Variants in SFRP4 observed in about 807,000 individuals in gnomAD.
SFRP4 encodes the protein secreted frizzled-related protein 4.
A neutral mutation model predicts 36.3 loss-of-function variants in SFRP4; 25 were observed. The ratio of observed to expected loss-of-function variants is 0.69; its 90% confidence interval spans 0.50 to 0.96. The LOEUF is 0.96. SFRP4 is among the 40% of genes least tolerant of loss of function. The probability of loss-of-function intolerance (pLI) is 0.00; values close to 1 mark genes in which losing one functional copy is unlikely to be tolerated. For missense variants in SFRP4, 487 were observed against 459.6 expected (o/e 1.06, Z -0.54); for synonymous variants, 182 against 168.8 (o/e 1.08, Z -0.60).
rs756170366 is a variant in SFRP4, at chr7:37,909,695, T to A, written c.792-15A>T. ...GAAGCATCATCCTGAAAAAAAATTATCTTAGTAAACAGATTTTTATTACAA... is the reference window on the plus strand; with the variant it reads ...GAAGCATCATCCTGAAAAAAAATTAACTTAGTAAACAGATTTTTATTACAA... On this transcript the variant is annotated splice_polypyrimidine_tract_variant and intron_variant, in intron 4 of 5. Coordinates refer to ENST00000436072, the MANE Select transcript of SFRP4 (RefSeq NM_003014.4). 5 of 1,501,858 alleles carry A rather than the reference T, an allele frequency of 3.3e-6. No individual in the cohort carries two copies. The Admixed American group carries it at 9.1e-5, about 27-fold the overall frequency. 93.0% of individuals were successfully genotyped at this position (1,501,858 alleles called of 1,614,324 possible).
rs1262298980 is a variant in SFRP4, at chr7:37,912,418, C to T, written c.593-101G>A. The T allele has an allele frequency of 9.8e-6, 9 of 920,012 alleles. No homozygotes were observed. The Admixed American group carries it at 2.0e-4, about 20-fold the overall frequency. The allele number at this position is 920,012 out of a possible 1,614,324, so 57.0% of individuals were successfully genotyped here. A position where few individuals can be genotyped will look rare whatever the true frequency, so the allele number is the denominator to read the frequency against. Reference sequence around the variant, plus strand: ...TCTGAGCCTCTCTTAAAGAATCACTCCTGTAATTATGGTTATGTCCAAGTG... The same window carrying T: ...TCTGAGCCTCTCTTAAAGAATCACTTCTGTAATTATGGTTATGTCCAAGTG... On this transcript the variant is annotated intron_variant, in intron 3 of 5. Coordinates refer to ENST00000436072, the MANE Select transcript of SFRP4 (RefSeq NM_003014.4).
In SFRP4 at chr7:37,916,447, T is replaced by G; in HGVS notation, c.91A>C (p.Met31Leu). ...ATGTTCCAGGGCATGTGCCGGCACA[T>G]AGGGATGCGCACCGCCTCGCAGGGC... ...GAPCEAVRIP[M>L]CRHMPWNITR... Residue 31 changes from methionine to leucine, a missense_variant, in exon 1 of 6, where the codon ATG becomes CTG. By Grantham distance (15) the Met-to-Leu change is conservative. Transcript: ENST00000436072. The surrounding 1 kb of genome is among the most constrained non-coding windows in gnomAD (Gnocchi z 4.1). 6.2e-7 allele frequency: 1 copy of G among 1,613,744 alleles called. No individual in the cohort carries two copies. Among genetic ancestry groups the G allele is most frequent in the Non-Finnish European group, 8.5e-7 (1 of 1,179,812 alleles).
At position 37,907,491 on chromosome 7, in the gene SFRP4, C is replaced by T. The variant is rs1785414404; in HGVS notation, c.1029G>A (p.Pro343=). ...KTRSAQKRTN[P]KRV is the part of the protein sequence containing the mutation. ...GAAACTAGTTAGCTCACACTCTTTTCGGGTTTGTTCTCTTCTGGGCACTCC... is the reference window on the plus strand; with the variant it reads ...GAAACTAGTTAGCTCACACTCTTTTTGGGTTTGTTCTCTTCTGGGCACTCC... The change falls in exon 6 of 6, where the codon CCG becomes CCA. Residue 343 remains proline, a synonymous_variant. Coordinates refer to ENST00000436072, the MANE Select transcript of SFRP4 (RefSeq NM_003014.4). The T allele has an allele frequency of 3.1e-6, 5 of 1,612,708 alleles. No homozygotes were observed. The highest frequency in any genetic ancestry group is 1.7e-4 in the Middle Eastern group (1 of 6,026).
Position 37,907,300 on chromosome 7 carries a change from G to A in SFRP4, c.*179C>T. The A allele has an allele frequency of 1.3e-5, 7 of 540,274 alleles. No individual in the cohort carries two copies. In the South Asian group the frequency reaches 1.6e-4, roughly 12 times the overall value. The allele number at this position is 540,274 out of a possible 1,614,324, so 33.5% of individuals were successfully genotyped here. Reference sequence around the variant, plus strand: ...CAAACCTACCACTATGGCTTGTGATGGCTTACAAAGAAAAACTGAAGCATA... The same window carrying A: ...CAAACCTACCACTATGGCTTGTGATAGCTTACAAAGAAAAACTGAAGCATA... On this transcript the variant is annotated 3_prime_UTR_variant, in exon 6 of 6. Coordinates refer to ENST00000436072, the MANE Select transcript of SFRP4 (RefSeq NM_003014.4).
intron 5 of SFRP4, 47 bp from the exon 6 acceptor site, chr7:37,907,711 T>C (rs1364071133): frequency 5.6e-6 from 8 of 1,424,358 alleles, no homozygotes; most frequent in Non-Finnish European, 7.7e-6. Context: ...CTCACCCCTT[T>C]ATGGTGCTCA....
chr7:37,915,455 G>T (rs1484753398), intron 1 of SFRP4, among the ~76,000 whole-genome samples: 1 of 152,220 alleles, frequency 6.6e-6, no homozygotes, highest in Non-Finnish European at 1.5e-5. Context: ...ATTTCAAGAA[G>T]TGAATTTAAA....
In SFRP4 at chr7:37,907,306, C is replaced by A; in HGVS notation, c.*173G>T. ...TACCACTATGGCTTGTGATGGCTTACAAAGAAAAACTGAAGCATAGCCTTA... is the reference window on the plus strand; with the variant it reads ...TACCACTATGGCTTGTGATGGCTTAAAAAGAAAAACTGAAGCATAGCCTTA... On this transcript the variant is annotated 3_prime_UTR_variant, in exon 6 of 6. Transcript: ENST00000436072. 1.8e-6 allele frequency: 1 copy of A among 552,112 alleles called. No individual in the cohort carries two copies. The highest frequency in any genetic ancestry group is 3.1e-6 in the Non-Finnish European group (1 of 318,692). 34.2% of individuals were successfully genotyped at this position (552,112 alleles called of 1,614,324 possible).
Position 37,916,014 on chromosome 7 carries a change from G to A in SFRP4, c.445+79C>T. The A allele has an allele frequency of 6.5e-7, 1 of 1,536,194 alleles. No individual in the cohort carries two copies. The highest frequency in any genetic ancestry group is 8.8e-7 in the Non-Finnish European group (1 of 1,140,542). ...CCTCAGACGCCCCTGGCAGCCTTAG[G>A]TGTGGCCGCCCAGTTCTCGATTGGC... On this transcript the variant is annotated intron_variant, in intron 1 of 5. Transcript: ENST00000436072. This position sits in a 1 kb window ranked among gnomAD's most constrained non-coding sequence, Gnocchi z 4.1.
rs1360106433 is a variant in SFRP4, at chr7:37,916,424, G to A, written c.114C>T (p.Asn38=). 1.2e-6 allele frequency: 2 copies of A among 1,614,106 alleles called. No homozygotes were observed. Among genetic ancestry groups the A allele is most frequent in the Admixed American group, 1.7e-5 (1 of 60,028 alleles). ...RIPMCRHMPW[N]ITRMPNHLHH... is the part of the protein sequence containing the mutation. ...GCAGGTGGTTGGGCATCCGCGTGAT[G>A]TTCCAGGGCATGTGCCGGCACATAG... The change falls in exon 1 of 6, where the codon AAC becomes AAT. Residue 38 remains asparagine (N), a synonymous_variant. Transcript: ENST00000436072. This position sits in a 1 kb window ranked among gnomAD's most constrained non-coding sequence, Gnocchi z 4.1.
intron 4 of SFRP4, among the ~76,000 whole-genome samples, chr7:37,910,044 A>G (rs1305383775): frequency 6.6e-6 from 1 of 152,018 alleles, no homozygotes; most frequent in Non-Finnish European, 1.5e-5. Flanking sequence ...TTGCTTAGCT[A>G]TGATTACCAG....
At chr7:37,909,864 C>A in intron 4 of SFRP4, 184 bp from the exon 5 acceptor site, 1 of 413,142 alleles carries the variant, frequency 2.4e-6, no homozygotes. Context: ...TATTAGATCA[C>A]ATTGTGTATT....
chr7:37,909,185 A>C (rs1368430596), intron 5 of SFRP4, among the ~76,000 whole-genome samples: 1 of 152,176 alleles, frequency 6.6e-6, no homozygotes, highest in Non-Finnish European at 1.5e-5. Flanking sequence ...CAAAAGTCTT[A>C]AATTATTATA....
chr7:37,909,996 A>G (rs912552134), intron 4 of SFRP4, among the ~76,000 whole-genome samples: 3 of 151,974 alleles, frequency 2.0e-5, no homozygotes, highest in African/African-American at 4.8e-5. Context: ...GGATATCCAT[A>G]ATATATCTAT....
rs1280980105 is a variant in SFRP4 at position 37,907,566 on chromosome 7, T to A, written c.954A>T (p.Gly318=). The change falls in exon 6 of 6, where the codon GGA becomes GGT. Residue 318 remains glycine (G), a synonymous_variant. Coordinates refer to ENST00000436072, the MANE Select transcript of SFRP4 (RefSeq NM_003014.4). ...TSRSNPPKPK[G]KPPAPKPASP... is the part of the protein sequence containing the mutation. ...TGGCTGGTTTGGGAGCAGGAGGCTT[T>A]CCCTTTGGTTTGGGGGGATTACTAC... 6.2e-7 allele frequency: 1 copy of A among 1,613,716 alleles called. No individual in the cohort carries two copies. The highest frequency in any genetic ancestry group is 1.1e-5 in the South Asian group (1 of 91,066).
intron 1 of SFRP4, among the ~76,000 whole-genome samples, chr7:37,915,872 CTT>C (rs11312178): frequency 6.7e-6 from 1 of 150,118 alleles, no homozygotes; most frequent in African/African-American, 2.4e-5. Flanking sequence ...TAAGCAAAAT[CTT>C]TTTTTTTTTC....
chr7:37,914,789 C>T (rs1028908599), intron 1 of SFRP4, among the ~76,000 whole-genome samples: 8 of 152,122 alleles, frequency 5.3e-5, no homozygotes, highest in South Asian at 2.1e-4. Context: ...CGCTTGAACC[C>T]GGGAGGCGAA....
intron 3 of SFRP4, among the ~76,000 whole-genome samples, chr7:37,913,410 C>T (rs1209092327): frequency 6.6e-6 from 1 of 152,058 alleles, no homozygotes; most frequent in African/African-American, 2.4e-5. Flanking sequence ...AAGCATTTTC[C>T]CTAAAACCAC....
At chr7:37,907,705 C>G in intron 5 of SFRP4, 41 bp from the exon 6 acceptor site, 1 of 1,489,546 alleles carries the variant, frequency 6.7e-7, no homozygotes, top group Non-Finnish European at 9.2e-7. Context: ...AATTATCTCA[C>G]CCCTTTATGG....
rs1333331730 is a variant in SFRP4 at position 37,914,235 on chromosome 7, A to G, written c.570T>C (p.Tyr190=). 1.2e-6 allele frequency: 2 copies of G among 1,614,106 alleles called. No individual in the cohort carries two copies. Among genetic ancestry groups the G allele is most frequent in the Non-Finnish European group, 8.5e-7 (1 of 1,179,932 alleles). The change falls in exon 3 of 6, where the codon TAT becomes TAC. Residue 190 remains tyrosine (Y), a synonymous_variant. Transcript: ENST00000436072. ...TACCATAGCTGTAGTTTTTGCTGAG[A>G]TACGTTGCCAAAGTTGGCTTCACCT... is the stretch of plus-strand genomic sequence containing the variant. The part of the protein sequence containing the change: ...CKKVKPTLAT[Y]LSKNYSYVIH...
Sources: gnomAD v4.1 joint callset for allele counts (sites outside exome capture counted in the v4.1 genomes callset) on GRCh38, gnomAD v4.1.1 for gene constraint, Gnocchi (gnomAD v3.1) non-coding constraint, MANE v1.5 for transcripts, NCBI Gene and HGNC (gene_info 2026-07-23, HGNC 2026-07-21) for gene names.